Variants in ANKRD11 observed in about 807,000 individuals in gnomAD.
The protein encoded by ANKRD11 is ankyrin repeat domain-containing protein 11.
In ANKRD11, 17 loss-of-function variants were observed where a neutral mutation model predicts 195.7. The observed-to-expected ratio is 0.09, with a 90% CI of 0.06 to 0.13. ANKRD11 has a LOEUF of 0.13. ANKRD11 is among the 10% of genes least tolerant of loss of function. ANKRD11 has a pLI of 1.00. For synonymous variants in ANKRD11, 1,953 were observed against 1,528.1 expected (o/e 1.28, Z -6.49); for missense variants, 3,735 against 3,566.1 (o/e 1.05, Z -1.21).
chr16:89,275,052 C>T (rs2033526529), intron 10 of ANKRD11, 41 bp downstream of exon 10: 4 of 1,612,486 alleles, frequency 2.5e-6, no homozygotes, highest in Non-Finnish European at 3.4e-6. Flanking sequence ...CCGTGAAAAG[C>T]CCTGGCCGTG....
rs114572501 is a variant in ANKRD11, at chr16:89,331,871, T to C, written c.-59-14793A>G. On this transcript the variant is annotated intron_variant, in intron 2 of 12. Transcript: ENST00000301030. Reference sequence around the variant, plus strand: ...CGGATGCAATGGTGTGGACTCGGGTTTGGTTCCGGGTTAACGGGCTGGGGT... The same window carrying C: ...CGGATGCAATGGTGTGGACTCGGGTCTGGTTCCGGGTTAACGGGCTGGGGT... Among the ~76,000 whole-genome samples the C allele has an allele frequency of 3.8e-3, 581 of 151,276 alleles. 2 individuals carry two copies. The highest frequency in any genetic ancestry group is 0.014 in the African/African-American group (562 of 41,182).
intron 1 of ANKRD11, chr16:89,459,473 T>C (rs1463845226): frequency 1.3e-5 from 2 of 152,222 alleles, no homozygotes; most frequent in African/African-American, 2.4e-5. Flanking sequence ...CTTTCCTTTC[T>C]TTTTGAGCCA....
chr16:89,304,521 C>G (rs895014394), intron 4 of ANKRD11, among the ~76,000 whole-genome samples: 1 of 150,992 alleles, frequency 6.6e-6, no homozygotes. Flanking sequence ...GGCACACATA[C>G]AGGCACACAC....
chr16:89,270,450 CGCCCCT>C, intron 12 of ANKRD11: 2 of 373,744 alleles, frequency 5.4e-6, no homozygotes, highest in Admixed American at 3.8e-5. Context: ...GCACCTCCCC[CGCCCCT>C]GCCCACCGCC....
rs1417430530 is a variant in ANKRD11, at chr16:89,285,821, G to A, written c.893-172C>T. Among the ~76,000 whole-genome samples, 1 of 152,248 alleles carries A rather than the reference G, an allele frequency of 6.6e-6. No homozygotes were observed. Among genetic ancestry groups the A allele is most frequent in the East Asian group, 1.9e-4 (1 of 5,200 alleles). ...GCCACAGGCAGGAGGAAACCAGACA[G>A]AGCTCAGCTGACAGACAGGGCTGGC... On this transcript the variant is annotated intron_variant, in intron 8 of 12. Transcript: ENST00000301030. The surrounding 1 kb of genome is among the most constrained non-coding windows in gnomAD (Gnocchi z 5.6).
At chr16:89,330,507 T>A (rs1250355350) in intron 2 of ANKRD11, among the ~76,000 whole-genome samples, 2 of 151,444 alleles carry the variant, frequency 1.3e-5, no homozygotes, top group African/African-American at 4.9e-5. Context: ...TACGTGAGGG[T>A]CCCCGTGACG....
chr16:89,308,138 A>G (rs2036403757), intron 3 of ANKRD11, among the ~76,000 whole-genome samples: 1 of 152,232 alleles, frequency 6.6e-6, no homozygotes, highest in Non-Finnish European at 1.5e-5. Flanking sequence ...AGGGCATTCT[A>G]TGAAAAGAAA....
At chr16:89,366,163 ATTCT>A (rs2039942117) in intron 2 of ANKRD11, among the ~76,000 whole-genome samples, 1 of 149,222 alleles carries the variant, frequency 6.7e-6, no homozygotes, top group Non-Finnish European at 1.5e-5. Context: ...ACATGATCTC[ATTCT>A]TTTTCATGGC....
intron 2 of ANKRD11, among the ~76,000 whole-genome samples, chr16:89,354,243 CAAAAAAAA>C (rs5818711): frequency 1.1e-4 from 14 of 126,242 alleles, no homozygotes; most frequent in Admixed American, 3.2e-4. Flanking sequence ...TGCATTCAGC[CAAAAAAAA>C]AAAAAAAAAG....
chr16:89,452,718 T>C (rs1450618931), intron 1 of ANKRD11, among the ~76,000 whole-genome samples: 1 of 140,792 alleles, frequency 7.1e-6, no homozygotes, highest in Non-Finnish European at 1.5e-5. Flanking sequence ...AGGCAGAGGT[T>C]GCAGTGAGCA....
chr16:89,470,662 G>T (rs1450178496), intron 1 of ANKRD11, among the ~76,000 whole-genome samples: 1 of 152,060 alleles, frequency 6.6e-6, no homozygotes, highest in Non-Finnish European at 1.5e-5. Context: ...TGGCTAACAT[G>T]GCGAAACCCA....
intron 1 of ANKRD11, among the ~76,000 whole-genome samples, chr16:89,428,508 G>A (rs112389898): frequency 6.6e-6 from 1 of 151,370 alleles, no homozygotes; most frequent in African/African-American, 2.4e-5. Context: ...CTGGGTGACA[G>A]AGCGAGACTA....
chr16:89,387,645 C>T (rs1287411963), intron 2 of ANKRD11, among the ~76,000 whole-genome samples: 1 of 146,306 alleles, frequency 6.8e-6, no homozygotes, highest in African/African-American at 2.6e-5. Flanking sequence ...TGCACTCTAG[C>T]CTGGGCGACA....
chr16:89,351,906 T>C (rs905836593), intron 2 of ANKRD11, among the ~76,000 whole-genome samples: 2 of 152,308 alleles, frequency 1.3e-5, no homozygotes, highest in African/African-American at 4.8e-5. Flanking sequence ...ATCCTCTCAA[T>C]CAAGCTGGTA....
chr16:89,392,960 CCTTT>C (rs1182547018), intron 2 of ANKRD11, among the ~76,000 whole-genome samples: 2 of 151,822 alleles, frequency 1.3e-5, no homozygotes, highest in African/African-American at 4.8e-5. Context: ...TCACCAAGGC[CCTTT>C]CTGTTTCCCC....
intron 1 of ANKRD11, among the ~76,000 whole-genome samples, chr16:89,423,079 G>A (rs2085423047): frequency 6.6e-6 from 1 of 152,108 alleles, no homozygotes; most frequent in Admixed American, 6.5e-5. Context: ...GACAACCAAG[G>A]GCCACGGTGG....
At chr16:89,325,523 T>C (rs2037661332) in intron 2 of ANKRD11, among the ~76,000 whole-genome samples, 1 of 150,890 alleles carries the variant, frequency 6.6e-6, no homozygotes, top group African/African-American at 2.4e-5. Flanking sequence ...ACAAAATACA[T>C]GATACATTTA....
In ANKRD11 at chr16:89,282,664, C is replaced by T; in HGVS notation, c.3878G>A (p.Arg1293Lys). 2 of 1,614,178 alleles carry T rather than the reference C, an allele frequency of 1.2e-6. No individual in the cohort carries two copies. The highest frequency in any genetic ancestry group is 1.1e-5 in the South Asian group (1 of 91,084). ...GCTGATTTTATCGTTGGAGTCTTCT[C>T]TGTACTCATGGAGAGCCTCTTCTTC... is the stretch of plus-strand genomic sequence containing the variant. ...KLEEEALHEY[R>K]EDSNDKISEV... The change falls in exon 9 of 13, where the codon AGA becomes AAA. Residue 1293 changes from arginine to lysine, a missense_variant. Physicochemically the swap from Arg to Lys is conservative, Grantham distance 26 (BLOSUM62 2). Coordinates refer to ENST00000301030, the MANE Select transcript of ANKRD11 (RefSeq NM_013275.6).
intron 2 of ANKRD11, among the ~76,000 whole-genome samples, chr16:89,380,680 T>C (rs1383412849): frequency 1.3e-5 from 2 of 151,990 alleles, no homozygotes; most frequent in Non-Finnish European, 2.9e-5. Flanking sequence ...TAGAAATAAA[T>C]GAAGGAAAGC....
Sources: gnomAD v4.1 joint callset for allele counts (sites outside exome capture counted in the v4.1 genomes callset) on GRCh38, gnomAD v4.1.1 for gene constraint, Gnocchi (gnomAD v3.1) non-coding constraint, MANE v1.5 for transcripts, NCBI Gene and HGNC (gene_info 2026-07-23, HGNC 2026-07-21) for gene names.